The following PAN3 variants were observed in gnomAD, a reference collection of about 807,000 sequenced individuals.
PAN3 encodes the protein PAN2-PAN3 deadenylation complex subunit PAN3.
Under a neutral mutation model 96.2 loss-of-function variants are expected in PAN3, and 19 were observed. The observed-to-expected ratio is 0.20, with a 90% CI of 0.14 to 0.29. The LOEUF (loss-of-function observed/expected upper bound fraction) is 0.29. PAN3 is among the 10% of genes least tolerant of loss of function. The pLI is 1.00. For missense variants in PAN3, 882 were observed against 1,108.1 expected (o/e 0.80, Z 2.90); for synonymous variants, 433 against 406.6 (o/e 1.06, Z -0.78).
chr13:28,204,045 G>A (rs1390110356), intron 5 of PAN3, among the ~76,000 whole-genome samples: 2 of 151,946 alleles, frequency 1.3e-5, no homozygotes, highest in African/African-American at 2.4e-5. Flanking sequence ...TCTTGACCTC[G>A]TGATCTGCCC....
At chr13:28,248,864 A>G (rs1884454313) in intron 6 of PAN3, among the ~76,000 whole-genome samples, 1 of 151,928 alleles carries the variant, frequency 6.6e-6, no homozygotes, top group Admixed American at 6.6e-5. Flanking sequence ...TATAGCTTTT[A>G]TTGTTTTGGT....
chr13:28,154,134 A>G (rs1871770345), intron 1 of PAN3, among the ~76,000 whole-genome samples: 1 of 152,220 alleles, frequency 6.6e-6, no homozygotes. Flanking sequence ...AGTTGTTGAT[A>G]TTCAAGTTTG....
chr13:28,215,056 T>C, intron 5 of PAN3: 1 of 1,061,416 alleles, frequency 9.4e-7, no homozygotes, highest in Admixed American at 1.7e-5. Context: ...ATTAATAAAA[T>C]TGGCTACAAT....
chr13:28,254,705 AT>A (rs138362809), intron 6 of PAN3, among the ~76,000 whole-genome samples: 5 of 151,778 alleles, frequency 3.3e-5, no homozygotes, highest in Non-Finnish European at 5.9e-5. Context: ...TTGGCTTCAT[AT>A]TTTTTTTAAG....
At chr13:28,261,832 C>CA (rs10636889) in intron 9 of PAN3, among the ~76,000 whole-genome samples, 88,156 of 112,376 alleles carry the variant, frequency 0.78, 34,306 homozygotes, top group Non-Finnish European at 0.86. Flanking sequence ...GACCCTGTCT[C>CA]AAAAAAAAAA....
chr13:28,167,703 G>A (rs929178170), intron 1 of PAN3, among the ~76,000 whole-genome samples: 3 of 151,742 alleles, frequency 2.0e-5, no homozygotes. Context: ...AATTAGCTGG[G>A]TGTGGTGGCT....
chr13:28,285,322 A>G (rs1868845642), intron 17 of PAN3, among the ~76,000 whole-genome samples: 1 of 152,236 alleles, frequency 6.6e-6, no homozygotes, highest in Non-Finnish European at 1.5e-5. Context: ...TTCAGTACAT[A>G]GGTAAGTACT....
intron 14 of PAN3, among the ~76,000 whole-genome samples, chr13:28,275,791 G>A (rs778465408): frequency 1.3e-5 from 2 of 152,136 alleles, no homozygotes; most frequent in Non-Finnish European, 2.9e-5. Flanking sequence ...TCTATCACCA[G>A]TGAAGTTTTA....
At chr13:28,203,661 G>A (rs1727633999) in intron 5 of PAN3, among the ~76,000 whole-genome samples, 1 of 152,044 alleles carries the variant, frequency 6.6e-6, no homozygotes, top group South Asian at 2.1e-4. Context: ...GGCTTATTTT[G>A]AAATGTTAGA....
In PAN3 at chr13:28,165,753, C is replaced by A. The variant is rs59735319; in HGVS notation, c.431-8519C>A. Among the ~76,000 whole-genome samples, 1,013 of 152,138 alleles carry A rather than the reference C, an allele frequency of 6.7e-3. 8 individuals are homozygous for A. The highest frequency in any genetic ancestry group is 0.022 in the African/African-American group (893 of 41,492). ...GAGGCTGGGAAGTCCAAGATCAAGT[C>A]CAACCAAGGTGGGTTGGTTTGGTGT... On this transcript the variant is annotated intron_variant, in intron 1 of 18. Coordinates refer to ENST00000380958, the MANE Select transcript of PAN3 (RefSeq NM_175854.8).
Position 28,183,544 on chromosome 13 carries a change from A to G in PAN3, c.690+5609A>G, listed in dbSNP as rs937116122. On this transcript the variant is annotated intron_variant, in intron 4 of 18. Transcript: ENST00000380958. ...TATGTTTTCCTTTGGAAACTGACAC[A>G]GTTATTGGAGTCCAAGTTCGGGGTA... Among the ~76,000 whole-genome samples the G allele has an allele frequency of 2.6e-5, 4 of 152,328 alleles. No individual in the cohort carries two copies. The South Asian group carries it at 6.2e-4, about 24-fold the overall frequency.
intron 6 of PAN3, among the ~76,000 whole-genome samples, chr13:28,247,971 T>C (rs1156540951): frequency 6.6e-6 from 1 of 152,226 alleles, no homozygotes; most frequent in African/African-American, 2.4e-5. Flanking sequence ...CCTTGATATT[T>C]TGATAGACTG....
chr13:28,281,162 G>A (rs951608809), intron 16 of PAN3, among the ~76,000 whole-genome samples, 153 bp from the exon 17 acceptor site: 1 of 152,136 alleles, frequency 6.6e-6, no homozygotes, highest in Non-Finnish European at 1.5e-5. Context: ...TGGACATATT[G>A]TGTTTGTTTA....
rs1338511048 is a variant in PAN3 at position 28,256,350 on chromosome 13, T to C, written c.1059T>C (p.Thr353=). 1.2e-6 allele frequency: 2 copies of C among 1,613,702 alleles called. No homozygotes were observed. Among genetic ancestry groups the C allele is most frequent in the Non-Finnish European group, 1.7e-6 (2 of 1,179,698 alleles). ...PLHSPKITPH[T]SPAPRRRSHT... ...ATTCCCCCAAGATTACTCCACATACTTCTCCTGCTCCCAGAAGAAGAAGTC... is the reference window on the plus strand; with the variant it reads ...ATTCCCCCAAGATTACTCCACATACCTCTCCTGCTCCCAGAAGAAGAAGTC... The change falls in exon 7 of 19, where the codon ACT becomes ACC. Residue 353 remains threonine, a synonymous_variant. Coordinates refer to ENST00000380958, the MANE Select transcript of PAN3 (RefSeq NM_175854.8).
chr13:28,228,798 A>G (rs773593317), intron 6 of PAN3, among the ~76,000 whole-genome samples: 3 of 152,218 alleles, frequency 2.0e-5, no homozygotes, highest in Non-Finnish European at 4.4e-5. Flanking sequence ...TCTCTCAGCC[A>G]TAGTTAATAT....
chr13:28,212,442 T>G (rs1303033364), intron 5 of PAN3, among the ~76,000 whole-genome samples: 1 of 152,190 alleles, frequency 6.6e-6, no homozygotes, highest in Non-Finnish European at 1.5e-5. Flanking sequence ...AAAGTCACAT[T>G]ATTTACCATG....
At chr13:28,290,758 CTTTA>C (rs201775781) in intron 18 of PAN3, among the ~76,000 whole-genome samples, 2,121 of 152,158 alleles carry the variant, frequency 0.014, 13 homozygotes, top group Middle Eastern at 0.027. Flanking sequence ...TTTATTTTCC[CTTTA>C]TTTATGTTAG....
At chr13:28,285,313 T>G (rs1017941159) in intron 17 of PAN3, among the ~76,000 whole-genome samples, 1 of 152,248 alleles carries the variant, frequency 6.6e-6, no homozygotes, top group African/African-American at 2.4e-5. Flanking sequence ...GCGGGTACTT[T>G]CAGTACATAG....
At position 28,235,105 on chromosome 13, in the gene PAN3, C is replaced by G. The variant is rs990930099; in HGVS notation, c.1000+14727C>G. 2.0e-5 allele frequency among the ~76,000 whole-genome samples: 3 copies of G among 152,176 alleles called. No individual in the cohort carries two copies. The East Asian group carries it at 5.8e-4, about 29-fold the overall frequency. On this transcript the variant is annotated intron_variant, in intron 6 of 18. Coordinates refer to ENST00000380958, the MANE Select transcript of PAN3 (RefSeq NM_175854.8). ...CATTCTTTCCCTTGTGTACTCCGTT[C>G]TGGCCTTTTACTGACATTCCCCAAA...
Sources: gnomAD v4.1 joint callset for allele counts (sites outside exome capture counted in the v4.1 genomes callset) on GRCh38, gnomAD v4.1.1 for gene constraint, MANE v1.5 for transcripts, NCBI Gene and HGNC (gene_info 2026-07-23, HGNC 2026-07-21) for gene names.